The following PCDHGA8 variants were observed in gnomAD, a reference collection of about 807,000 sequenced individuals.
PCDHGA8 encodes protocadherin gamma-A8.
PCDHGA8 carries 45 observed loss-of-function variants against 59.2 expected under a neutral mutation model. The observed-to-expected ratio is 0.76, with a 90% confidence interval of 0.60 to 0.98. The LOEUF (loss-of-function observed/expected upper bound fraction) is 0.98, where lower values mean the gene tolerates loss of function less well. PCDHGA8 is among the 50% of genes least tolerant of loss of function. The pLI, the probability that PCDHGA8 is intolerant of heterozygous loss-of-function variation, is 0.00. For missense variants in PCDHGA8, 1,257 were observed against 1,196.2 expected (o/e 1.05, Z -0.75); for synonymous variants, 531 against 519.0 (o/e 1.02, Z -0.32).
intron 1 of PCDHGA8, chr5:141,427,739 C>G: frequency 2.4e-6 from 3 of 1,232,634 alleles, no homozygotes; most frequent in Non-Finnish European, 3.5e-6. Context: ...ATGGCCAAGT[C>G]TCCTACTCCA....
intron 1 of PCDHGA8, among the ~76,000 whole-genome samples, chr5:141,463,573 C>T (rs1331124291): frequency 6.6e-6 from 1 of 151,436 alleles, no homozygotes; most frequent in East Asian, 1.9e-4. Flanking sequence ...CTCAGCCTCC[C>T]GAGTAGCTGG....
intron 1 of PCDHGA8, chr5:141,408,804 A>G (rs577658697): frequency 1.9e-6 from 3 of 1,613,264 alleles, no homozygotes; most frequent in African/African-American, 2.7e-5. Context: ...AAACTCCTAG[A>G]CCGGGAAGAA....
chr5:141,417,892 C>G lies in PCDHGA8; in HGVS notation c.2424+22655C>G, dbSNP rs550343206. On this transcript the variant is annotated intron_variant, in intron 1 of 3. Coordinates refer to ENST00000398604, the MANE Select transcript of PCDHGA8 (RefSeq NM_032088.2). Reference sequence around the variant, plus strand: ...GGAGCTGCGCGCAGAGGCGCCGGGCCGGCCCGCGGCAGGTACTATTTCCTT... The same window carrying G: ...GGAGCTGCGCGCAGAGGCGCCGGGCGGGCCCGCGGCAGGTACTATTTCCTT... 2.2e-4 allele frequency: 348 copies of G among 1,570,774 alleles called. 2 individuals carry two copies. The South Asian group carries it at 3.7e-3, about 17-fold the overall frequency.
At chr5:141,410,008 C>A (rs2095347582) in intron 1 of PCDHGA8, 1 of 1,613,220 alleles carries the variant, frequency 6.2e-7, no homozygotes, top group Non-Finnish European at 8.5e-7. Flanking sequence ...GACACAACGC[C>A]TGGCTGTCCT....
chr5:141,473,235 C>T (rs1322325327), intron 1 of PCDHGA8, among the ~76,000 whole-genome samples: 1 of 152,132 alleles, frequency 6.6e-6, no homozygotes, highest in Non-Finnish European at 1.5e-5. Flanking sequence ...TGGATCCACA[C>T]AAGTGAATAC....
At chr5:141,484,478 A>G (rs2099596967) in intron 1 of PCDHGA8, among the ~76,000 whole-genome samples, 1 of 152,244 alleles carries the variant, frequency 6.6e-6, no homozygotes, top group Admixed American at 6.5e-5. Context: ...CTTTTCTGCA[A>G]AGAGATGGAT....
intron 1 of PCDHGA8, among the ~76,000 whole-genome samples, chr5:141,444,402 C>T (rs916833331): frequency 6.6e-6 from 1 of 151,932 alleles, no homozygotes; most frequent in African/African-American, 2.4e-5. Flanking sequence ...AACTCCCAAC[C>T]TCAGGTGATC....
rs368075478 is a variant in PCDHGA8, at chr5:141,403,866, A to G, written c.2424+8629A>G. The G allele has an allele frequency of 1.3e-4, 207 of 1,613,762 alleles. No individual in the cohort carries two copies. Among genetic ancestry groups the G allele is most frequent in the Non-Finnish European group, 1.6e-4 (186 of 1,179,844 alleles). On this transcript the variant is annotated intron_variant, in intron 1 of 3. Transcript: ENST00000398604. ...AATACTGGGGAAATATCAACAGCAA[A>G]AAGTCTAGATTATGAAGAATGTTCA...
chr5:141,490,618 A>G lies in PCDHGA8; in HGVS notation c.2425-4189A>G, dbSNP rs1463273520. On this transcript the variant is annotated intron_variant, in intron 1 of 3. Transcript: ENST00000398604. The surrounding 1 kb of genome is among the most constrained non-coding windows in gnomAD (Gnocchi z 5.4). ...ACCCCGCTTCAACCAGCAGCTTTAC[A>G]CTGCTTACATCCTAGAAAACCGGCC... 4.3e-6 allele frequency: 7 copies of G among 1,613,986 alleles called. No homozygotes were observed. Among genetic ancestry groups the G allele is most frequent in the Admixed American group, 1.7e-5 (1 of 59,996 alleles).
rs747633858 is a variant in PCDHGA8, at chr5:141,491,133, C to T, written c.2425-3674C>T. 6.2e-6 allele frequency: 10 copies of T among 1,614,158 alleles called. No homozygotes were observed. In the South Asian group the frequency reaches 9.9e-5, roughly 16 times the overall value. The stretch of plus-strand genomic sequence containing the variant: ...CACACACTGGTGAGGTGCGCACAGC[C>T]CGGGCCTTACTGGAGGATGACTCTG... On this transcript the variant is annotated intron_variant, in intron 1 of 3. Transcript: ENST00000398604. The surrounding 1 kb of genome is among the most constrained non-coding windows in gnomAD (Gnocchi z 6.9).
intron 1 of PCDHGA8, among the ~76,000 whole-genome samples, chr5:141,454,730 A>C (rs2098797371): frequency 6.7e-6 from 1 of 150,092 alleles, no homozygotes; most frequent in Admixed American, 6.7e-5. Context: ...TATATGTTAT[A>C]GGATGAAAAG....
Position 141,477,856 on chromosome 5 carries a change from G to T in PCDHGA8, c.2425-16951G>T, listed in dbSNP as rs773703641. ...CAGGTGGGAGCTCGGTGGAGATGCTGCCTCGAGGTACCTCAGCTGGCCACC... is the reference window on the plus strand; with the variant it reads ...CAGGTGGGAGCTCGGTGGAGATGCTTCCTCGAGGTACCTCAGCTGGCCACC... On this transcript the variant is annotated intron_variant, in intron 1 of 3. Coordinates refer to ENST00000398604, the MANE Select transcript of PCDHGA8 (RefSeq NM_032088.2). This position sits in a 1 kb window ranked among gnomAD's most constrained non-coding sequence, Gnocchi z 4.9. 1 of 1,613,474 alleles carries T rather than the reference G, an allele frequency of 6.2e-7. No homozygotes were observed. Among genetic ancestry groups the T allele is most frequent in the Non-Finnish European group, 8.5e-7 (1 of 1,179,854 alleles).
intron 1 of PCDHGA8, among the ~76,000 whole-genome samples, chr5:141,472,913 G>A (rs1049221725): frequency 2.0e-5 from 3 of 147,764 alleles, no homozygotes; most frequent in African/African-American, 2.5e-5. Context: ...TTGAACCCAA[G>A]AGGAGGAGGT....
rs374095590 is a variant in PCDHGA8, at chr5:141,431,523, T to C, written c.2424+36286T>C. On this transcript the variant is annotated intron_variant, in intron 1 of 3. Coordinates refer to ENST00000398604, the MANE Select transcript of PCDHGA8 (RefSeq NM_032088.2). This position sits in a 1 kb window ranked among gnomAD's most constrained non-coding sequence, Gnocchi z 4.8. ...TACCGCGCGAGCGTTCCGGAGAATC[T>C]GGCCTTGGGCACGCAGCTGCTTGTA... 13 of 1,613,952 alleles carry C rather than the reference T, an allele frequency of 8.1e-6. No homozygotes were observed. The African/African-American group carries it at 1.5e-4, about 18-fold the overall frequency.
chr5:141,485,935 C>A lies in PCDHGA8; in HGVS notation c.2425-8872C>A. The stretch of plus-strand genomic sequence containing the variant: ...GCTACAGGATTAGTGTGTTGGAGAG[C>A]GCACCAGCGGGCATGGTGCTCATCC... On this transcript the variant is annotated intron_variant, in intron 1 of 3. Coordinates refer to ENST00000398604, the MANE Select transcript of PCDHGA8 (RefSeq NM_032088.2). This position sits in a 1 kb window ranked among gnomAD's most constrained non-coding sequence, Gnocchi z 5.7. The A allele has an allele frequency of 3.1e-6, 5 of 1,614,144 alleles. No homozygotes were observed. Among genetic ancestry groups the A allele is most frequent in the Non-Finnish European group, 3.4e-6 (4 of 1,180,030 alleles).
In PCDHGA8 at chr5:141,498,823, C is replaced by A. The variant is rs540865523; in HGVS notation, c.2483+3958C>A. ...TGGTGCACACCTGTAGTCCCAGCTA[C>A]TCAGGAGGCTGAGGCAGGGGAATCG... On this transcript the variant is annotated intron_variant, in intron 2 of 3. Coordinates refer to ENST00000398604, the MANE Select transcript of PCDHGA8 (RefSeq NM_032088.2). Among the ~76,000 whole-genome samples the A allele has an allele frequency of 9.2e-5, 14 of 152,166 alleles. No homozygotes were observed. The East Asian group carries it at 1.5e-3, about 17-fold the overall frequency.
rs781173890 is a variant in PCDHGA8, at chr5:141,476,165, G to T, written c.2425-18642G>T. 5.3e-5 allele frequency: 86 copies of T among 1,613,106 alleles called. No individual in the cohort carries two copies. Among genetic ancestry groups the T allele is most frequent in the Non-Finnish European group, 7.2e-5 (85 of 1,179,976 alleles). On this transcript the variant is annotated intron_variant, in intron 1 of 3. Transcript: ENST00000398604. The surrounding 1 kb of genome is among the most constrained non-coding windows in gnomAD (Gnocchi z 7.6). ...CGGACTGGTAAGCACCGGGAGGGTA[G>T]TGGGAGTTTTGCTTCTGCTTGGTGC...
rs757065593 is a variant in PCDHGA8, at chr5:141,418,576, C to G, written c.2424+23339C>G. 1.5e-5 allele frequency: 25 copies of G among 1,614,012 alleles called. No homozygotes were observed. In the South Asian group the frequency reaches 2.7e-4, roughly 18 times the overall value. On this transcript the variant is annotated intron_variant, in intron 1 of 3. Transcript: ENST00000398604. ...TGGTAATAGATGCCAATGACAACCCCCCAGTGTTCAGCCAGGACGTGTACA... is the reference window on the plus strand; with the variant it reads ...TGGTAATAGATGCCAATGACAACCCGCCAGTGTTCAGCCAGGACGTGTACA...
In PCDHGA8 at chr5:141,431,317, C is replaced by G; in HGVS notation, c.2424+36080C>G. 2 of 1,614,082 alleles carry G rather than the reference C, an allele frequency of 1.2e-6. No homozygotes were observed. The highest frequency in any genetic ancestry group is 1.7e-6 in the Non-Finnish European group (2 of 1,180,038). On this transcript the variant is annotated intron_variant, in intron 1 of 3. Transcript: ENST00000398604. The surrounding 1 kb of genome is among the most constrained non-coding windows in gnomAD (Gnocchi z 4.8). ...TCTCCCTCATCGTGCAAAATGGAGC[C>G]GACGGTAGTAAGTACCCCGAATTGG...
Sources: allele counts gnomAD v4.1 joint callset (sites outside exome capture counted in the v4.1 genomes callset), GRCh38; gene constraint gnomAD v4.1.1; non-coding constraint Gnocchi (gnomAD v3.1); transcripts MANE v1.5; gene names NCBI Gene and HGNC (gene_info 2026-07-23, HGNC 2026-07-21).